Variants in NPR3 observed in about 807,000 individuals in gnomAD.
NPR3 encodes the protein atrial natriuretic peptide receptor 3.
NPR3 carries 34 observed loss-of-function variants against 54.5 expected under a neutral mutation model. The ratio of observed to expected loss-of-function variants is 0.62; its 90% CI spans 0.47 to 0.83. The LOEUF (loss-of-function observed/expected upper bound fraction) is 0.83. Among genes scored for constraint, NPR3 ranks in the 40% least tolerant of loss-of-function variants. NPR3 has a pLI of 0.00. For synonymous variants in NPR3, 289 were observed against 297.1 expected (o/e 0.97, Z 0.28); for missense variants, 674 against 720.8 (o/e 0.94, Z 0.74).
At chr5:32,705,545 C>G (rs1267540367), upstream of NPR3, among the ~76,000 whole-genome samples, 1 of 152,026 alleles carries the variant, frequency 6.6e-6, no homozygotes, top group Non-Finnish European at 1.5e-5. Context: ...ATGGCTAGAG[C>G]AGGAGGAAGA....
Position 32,786,372 on chromosome 5 carries a change from T to C in NPR3, c.*27T>C, listed in dbSNP as rs771624339. 7.9e-6 allele frequency: 7 copies of C among 881,928 alleles called. No individual in the cohort carries two copies. Among genetic ancestry groups the C allele is most frequent in the Non-Finnish European group, 1.3e-5 (7 of 535,168 alleles). The allele number at this position is 881,928 out of a possible 1,614,324, so 54.6% of individuals were successfully genotyped here. A position where few individuals can be genotyped will look rare whatever the true frequency, so the allele number is the denominator to read the frequency against. On this transcript the variant is annotated 3_prime_UTR_variant, in exon 8 of 8. Transcript: ENST00000265074. The stretch of plus-strand genomic sequence containing the variant: ...GGAAGCCCCCCACTTTTTTTTTTTC[T>C]GCCTGAGATTCTTTAAGGAGATAGA...
rs949493333 is a variant in NPR3 at position 32,787,883 on chromosome 5, G to C, written c.*1538G>C. 1.3e-5 allele frequency: 2 copies of C among 152,182 alleles called. No individual in the cohort carries two copies. The allele number at this position is 152,182 out of a possible 1,614,324, so 9.4% of individuals were successfully genotyped here. On this transcript the variant is annotated 3_prime_UTR_variant, in exon 8 of 8. Coordinates refer to ENST00000265074, the MANE Select transcript of NPR3 (RefSeq NM_001204375.2). ...GGGTCTTTCCTCAATAACATTTTGA[G>C]CATCTGAAAAATAGTTTAAAAAATT...
At chr5:32,739,150 T>C (rs1739909626) in intron 3 of NPR3, 120 bp downstream of exon 3, 5 of 949,834 alleles carry the variant, frequency 5.3e-6, no homozygotes, top group Non-Finnish European at 7.7e-6. Flanking sequence ...CAGGTCTGAA[T>C]GTCACTGTTG....
chr5:32,705,818 A>G (rs546107088), upstream of NPR3, among the ~76,000 whole-genome samples: 1 of 152,288 alleles, frequency 6.6e-6, no homozygotes, highest in Admixed American at 6.5e-5. Context: ...AGATATCTCA[A>G]TTGGTTCAGC....
intron 4 of NPR3, among the ~76,000 whole-genome samples, chr5:32,779,409 C>T (rs1742224661): frequency 6.6e-6 from 1 of 152,192 alleles, no homozygotes; most frequent in Non-Finnish European, 1.5e-5. Context: ...GATATATTTG[C>T]TTTTATTGAT....
At chr5:32,732,853 C>T (rs10062376) in intron 2 of NPR3, among the ~76,000 whole-genome samples, 20,542 of 151,884 alleles carry the variant, frequency 0.14, 1,473 homozygotes, top group East Asian at 0.23. Context: ...TATTTTATTT[C>T]ATTTTTTTGA....
intron 4 of NPR3, 61 bp downstream of exon 4, chr5:32,774,904 C>T (rs1163848684): frequency 2.9e-6 from 4 of 1,372,782 alleles, no homozygotes; most frequent in Non-Finnish European, 4.2e-6. Flanking sequence ...TTTTCTGGTT[C>T]TGTATTTCTC....
intron 3 of NPR3, among the ~76,000 whole-genome samples, chr5:32,753,233 AAT>A (rs769948415): frequency 1.1e-4 from 16 of 152,192 alleles, no homozygotes; most frequent in Non-Finnish European, 2.9e-5. Context: ...GATGTTTTGC[AAT>A]AATGGTGACA....
intron 1 of NPR3, among the ~76,000 whole-genome samples, chr5:32,693,175 A>G (rs186819319): frequency 6.0e-4 from 91 of 152,312 alleles, no homozygotes; most frequent in African/African-American, 2.1e-3. Flanking sequence ...CAGAAATCTA[A>G]CATGACTGTA....
In NPR3 at chr5:32,727,753, C is replaced by T. The variant is rs1739212404; in HGVS notation, c.892+2933C>T. Among the ~76,000 whole-genome samples the T allele has an allele frequency of 1.3e-5, 2 of 152,104 alleles. 1 individual carries two copies. Among genetic ancestry groups the T allele is most frequent in the South Asian group, 4.2e-4 (2 of 4,818 alleles). ...TTGCAAGAATTCTACTTATTAAATC[C>T]TCTGCTCTAATAGTTTTTATATCAT... On this transcript the variant is annotated intron_variant, in intron 2 of 7. Transcript: ENST00000265074.
chr5:32,764,788 CAAAAA>C (rs568944478), intron 3 of NPR3, among the ~76,000 whole-genome samples: 3 of 36,492 alleles, frequency 8.2e-5, no homozygotes, highest in African/African-American at 1.9e-4. Context: ...GGGTCCATCT[CAAAAA>C]AAAAAAAAAA....
chr5:32,712,221 C>T lies in NPR3; in HGVS notation c.445C>T (p.His149Tyr), dbSNP rs2111841633. 1 of 1,612,746 alleles carries T rather than the reference C, an allele frequency of 6.2e-7. No homozygotes were observed. The highest frequency in any genetic ancestry group is 1.1e-5 in the South Asian group (1 of 91,030). Residue 149 changes from histidine (H) to tyrosine (Y), a missense_variant, in exon 1 of 8, where the codon CAC becomes TAC. Physicochemically the swap from His to Tyr is moderately conservative, Grantham distance 83. Coordinates refer to ENST00000265074, the MANE Select transcript of NPR3 (RefSeq NM_001204375.2). ...AAAPVARLAS[H>Y]WDLPMLSAGA... ...AGCGCCAGTGGCCCGGCTTGCATCG[C>T]ACTGGGACCTGCCCATGCTGTCGGC... is the stretch of plus-strand genomic sequence containing the variant.
chr5:32,774,977 T>A (rs1741967408), intron 4 of NPR3, 134 bp downstream of exon 4: 3 of 706,304 alleles, frequency 4.2e-6, no homozygotes, highest in Admixed American at 2.2e-5. Flanking sequence ...GCCCATCTCA[T>A]AGGCTTGTTG....
At chr5:32,697,391 A>G (rs1384136412) in intron 1 of NPR3, among the ~76,000 whole-genome samples, 2 of 150,886 alleles carry the variant, frequency 1.3e-5, no homozygotes, top group African/African-American at 4.9e-5. Context: ...CTATTCTTAT[A>G]TTGAGGATTT....
At chr5:32,716,673 T>C (rs1017959130) in intron 1 of NPR3, 1 of 170,150 alleles carries the variant, frequency 5.9e-6, no homozygotes, top group Non-Finnish European at 1.3e-5. Context: ...ATATTATCAT[T>C]ACTTTCTAAA....
In NPR3 at chr5:32,712,181, G is replaced by A. The variant is rs1255217963; in HGVS notation, c.405G>A (p.Val135=). ...GAKPDLILGP[V]CEYAAAPVAR... ...AGCCAGACCTTATCCTGGGGCCAGT[G>A]TGCGAGTATGCAGCAGCGCCAGTGG... is the stretch of plus-strand genomic sequence containing the variant. Residue 135 remains valine (V), a synonymous_variant, in exon 1 of 8, where the codon GTG becomes GTA. Coordinates refer to ENST00000265074, the MANE Select transcript of NPR3 (RefSeq NM_001204375.2). 4 of 1,612,996 alleles carry A rather than the reference G, an allele frequency of 2.5e-6. No individual in the cohort carries two copies. In the South Asian group the frequency reaches 4.4e-5, roughly 18 times the overall value.
At chr5:32,745,023 A>C (rs1273208061) in intron 3 of NPR3, among the ~76,000 whole-genome samples, 1 of 152,160 alleles carries the variant, frequency 6.6e-6, no homozygotes, top group East Asian at 1.9e-4. Flanking sequence ...AATCAAACAC[A>C]CTTCCTCTAC....
intron 3 of NPR3, among the ~76,000 whole-genome samples, chr5:32,755,567 T>A (rs1740792413): frequency 6.6e-6 from 1 of 152,050 alleles, no homozygotes; most frequent in Non-Finnish European, 1.5e-5. Flanking sequence ...AATAGATGAG[T>A]AGATATGAGC....
chr5:32,762,707 G>C (rs559498834), intron 3 of NPR3, among the ~76,000 whole-genome samples: 1 of 151,776 alleles, frequency 6.6e-6, no homozygotes, highest in Non-Finnish European at 1.5e-5. Context: ...ATTTGTTTAC[G>C]TTCTTTGTAG....
Sources: gnomAD v4.1 joint callset for allele counts (sites outside exome capture counted in the v4.1 genomes callset) on GRCh38, gnomAD v4.1.1 for gene constraint, MANE v1.5 for transcripts, NCBI Gene and HGNC (gene_info 2026-07-23, HGNC 2026-07-21) for gene names.